Variants in XPA observed in about 807,000 individuals in gnomAD.
XPA encodes DNA repair protein complementing XP-A cells.
XPA carries 27 observed loss-of-function variants against 35.7 expected under a neutral mutation model. The ratio of observed to expected loss-of-function variants is 0.76; its 90% confidence interval spans 0.56 to 1.04. The LOEUF (loss-of-function observed/expected upper bound fraction) is 1.04, where lower values mean the gene tolerates loss of function less well. XPA is among the 50% of genes least tolerant of loss of function. The pLI is 0.00. For missense variants in XPA, 354 were observed against 342.7 expected (o/e 1.03, Z -0.26); for synonymous variants, 133 against 118.4 (o/e 1.12, Z -0.80).
chr9:97,663,040 A>G, the XPA span: 1 of 1,606,112 alleles, frequency 6.2e-7, no homozygotes, highest in Non-Finnish European at 8.5e-7. Flanking sequence ...TGGAGGAACC[A>G]TCCACAGGTA....
the XPA span, among the ~76,000 whole-genome samples, chr9:97,668,545 T>C: frequency 1.3e-5 from 2 of 152,192 alleles, no homozygotes; most frequent in South Asian, 4.1e-4. Context: ...TTGTTACTGC[T>C]CAAATGGTCA....
At chr9:97,686,284 T>TA (rs1828713661) in intron 4 of XPA, among the ~76,000 whole-genome samples, 1 of 152,190 alleles carries the variant, frequency 6.6e-6, no homozygotes. Flanking sequence ...AGAGGCTGCT[T>TA]GTGACTCAAA....
intron 3 of XPA, 29 bp downstream of exon 3, chr9:97,689,505 C>A: frequency 7.3e-7 from 1 of 1,363,634 alleles, no homozygotes; most frequent in Non-Finnish European, 1.0e-6. Context: ...TAAACATTAG[C>A]AATTAAGAAC....
At chr9:97,696,793 C>T (rs1244870933) in intron 1 of XPA, among the ~76,000 whole-genome samples, 1 of 152,208 alleles carries the variant, frequency 6.6e-6, no homozygotes, top group Non-Finnish European at 1.5e-5. Flanking sequence ...GGCCCTGACA[C>T]CTGGCAGTGG....
the XPA span, chr9:97,664,346 G>A: frequency 6.2e-7 from 1 of 1,601,148 alleles, no homozygotes; most frequent in South Asian, 1.1e-5. Context: ...GTAGATGATT[G>A]CTGTACTAGT....
chr9:97,662,269 T>G, the XPA span: 3 of 672,526 alleles, frequency 4.5e-6, no homozygotes, highest in Non-Finnish European at 7.6e-6. Flanking sequence ...TTGGACACAG[T>G]GGGTTTGGGT....
chr9:97,676,428 C>T (rs773009885), intron 5 of XPA, among the ~76,000 whole-genome samples: 1 of 152,210 alleles, frequency 6.6e-6, no homozygotes, highest in Non-Finnish European at 1.5e-5. Flanking sequence ...TCTATTCTCA[C>T]CAGTGATCCA....
At chr9:97,665,899 ATTC>A in the XPA span, among the ~76,000 whole-genome samples, 2 of 152,196 alleles carry the variant, frequency 1.3e-5, no homozygotes, top group Non-Finnish European at 2.9e-5. Flanking sequence ...TATATCCTGT[ATTC>A]TTACAATAAA....
rs1286103706 is a variant in XPA, at chr9:97,689,609, C to T, written c.314G>A (p.Cys105Tyr). 1.2e-6 allele frequency: 2 copies of T among 1,612,088 alleles called. No homozygotes were observed. The highest frequency in any genetic ancestry group is 2.7e-5 in the African/African-American group (2 of 74,988). The change falls in exon 3 of 6, where the codon TGC becomes TAC. Residue 105 changes from cysteine (C) to tyrosine (Y), a missense_variant. By Grantham distance (194) the Cys-to-Tyr change is radical. Coordinates refer to ENST00000375128, the MANE Select transcript of XPA (RefSeq NM_000380.4). ...GPVMEFDYVI[C>Y]EECGKEFMDS... ...CATAAATTCTTTCCCACATTCTTCG[C>T]ATATTACATAATCAAATTCCATAAC...
At chr9:97,696,901 G>A (rs1392562755) in intron 1 of XPA, among the ~76,000 whole-genome samples, 1 of 152,204 alleles carries the variant, frequency 6.6e-6, no homozygotes, top group African/African-American at 2.4e-5. Flanking sequence ...TGGGGGTCAG[G>A]AGGCCCGCGT....
the XPA span, chr9:97,654,903 A>T: frequency 6.2e-7 from 1 of 1,613,108 alleles, no homozygotes; most frequent in East Asian, 2.2e-5. Context: ...CTGAAATGCT[A>T]TACATGCGTT....
chr9:97,680,167 C>T (rs1323279113), intron 5 of XPA, among the ~76,000 whole-genome samples: 1 of 152,122 alleles, frequency 6.6e-6, no homozygotes, highest in Non-Finnish European at 1.5e-5. Context: ...TGCTAAGTTT[C>T]TTGAGTATGA....
chr9:97,660,404 C>T, the XPA span, among the ~76,000 whole-genome samples: 5 of 152,148 alleles, frequency 3.3e-5, no homozygotes, highest in Admixed American at 6.5e-5. Context: ...AGTCCCATCA[C>T]GTGAGCATCT....
downstream of XPA, among the ~76,000 whole-genome samples, chr9:97,674,088 C>T (rs1374882987): frequency 6.6e-6 from 1 of 152,138 alleles, no homozygotes; most frequent in Non-Finnish European, 1.5e-5. Context: ...CGGTCCACAG[C>T]TAGTAAGTGG....
chr9:97,677,209 T>TA (rs982111326), intron 5 of XPA, among the ~76,000 whole-genome samples: 20 of 151,230 alleles, frequency 1.3e-4, no homozygotes, highest in East Asian at 1.9e-4. Flanking sequence ...TTCTGAATAC[T>TA]AAAAAAAAAT....
intron 1 of XPA, among the ~76,000 whole-genome samples, chr9:97,696,162 T>C (rs1829035126): frequency 6.6e-6 from 1 of 152,210 alleles, no homozygotes; most frequent in Non-Finnish European, 1.5e-5. Flanking sequence ...GCTGCCAGCC[T>C]CAGACTCTTC....
At chr9:97,692,684 A>G (rs1225764871) in intron 2 of XPA, among the ~76,000 whole-genome samples, 1 of 152,184 alleles carries the variant, frequency 6.6e-6, no homozygotes, top group Non-Finnish European at 1.5e-5. Flanking sequence ...AATAAACACA[A>G]TGATAATTTT....
downstream of XPA, among the ~76,000 whole-genome samples, chr9:97,674,268 C>T (rs1485636346): frequency 3.3e-5 from 5 of 152,018 alleles, no homozygotes; most frequent in African/African-American, 1.2e-4. Context: ...TTTTACTAAG[C>T]TGTAATATTT....
chr9:97,689,705 T>A, intron 2 of XPA, 66 bp from the exon 3 acceptor site: 1 of 922,946 alleles, frequency 1.1e-6, no homozygotes, highest in South Asian at 1.5e-5. Flanking sequence ...TTCCTCTATT[T>A]TATTAGCTTA....
Sources: gnomAD v4.1 joint callset for allele counts (sites outside exome capture counted in the v4.1 genomes callset) on GRCh38, gnomAD v4.1.1 for gene constraint, MANE v1.5 for transcripts, NCBI Gene and HGNC (gene_info 2026-07-23, HGNC 2026-07-21) for gene names.